DIAPH3: variants seen among roughly 807,000 people sequenced by gnomAD.
The protein encoded by DIAPH3 is protein diaphanous homolog 3.
DIAPH3 carries 117 observed loss-of-function variants against 144.3 expected under a neutral mutation model. The ratio of observed to expected loss-of-function variants is 0.81; its 90% CI spans 0.70 to 0.95. The LOEUF is 0.95. Among genes scored for constraint, DIAPH3 ranks in the 40% least tolerant of loss-of-function variants. The probability of loss-of-function intolerance (pLI) is 0.00; values close to 1 mark genes in which losing one functional copy is unlikely to be tolerated. For synonymous variants in DIAPH3, 519 were observed against 488.9 expected, an observed-to-expected ratio of 1.06 and a Z score of -0.81; for missense variants, 1,421 against 1,412.7, an observed-to-expected ratio of 1.01 and a Z score of -0.09.
intron 21 of DIAPH3, among the ~76,000 whole-genome samples, chr13:59,871,676 T>C (rs937455613): frequency 1.3e-5 from 2 of 152,224 alleles, no homozygotes; most frequent in African/African-American, 4.8e-5. Flanking sequence ...ATTTAGAGAA[T>C]TGAAATTATT....
chr13:60,065,406 G>A (rs2056921201), intron 4 of DIAPH3, among the ~76,000 whole-genome samples: 1 of 151,914 alleles, frequency 6.6e-6, no homozygotes, highest in African/African-American at 2.4e-5. Context: ...ATCTTATGTT[G>A]CACTTACTGA....
At chr13:59,943,548 A>C (rs895999112) in intron 17 of DIAPH3, among the ~76,000 whole-genome samples, 15 of 151,966 alleles carry the variant, frequency 9.9e-5, no homozygotes, top group South Asian at 2.1e-4. Flanking sequence ...TCACTCACTC[A>C]CTCCCTCCCA....
chr13:59,686,423 G>GA (rs911791312), intron 27 of DIAPH3, among the ~76,000 whole-genome samples: 59 of 150,450 alleles, frequency 3.9e-4, no homozygotes, highest in African/African-American at 1.4e-3. Context: ...CTCAAAAGAG[G>GA]AAAAAAAATT....
At chr13:59,862,494 G>T (rs1415566802) in intron 21 of DIAPH3, among the ~76,000 whole-genome samples, 1 of 152,130 alleles carries the variant, frequency 6.6e-6, no homozygotes, top group Non-Finnish European at 1.5e-5. Context: ...CTGAATGGAG[G>T]TTGTGCCTGG....
At chr13:60,119,537 G>A (rs1253917836) in intron 2 of DIAPH3, among the ~76,000 whole-genome samples, 1 of 151,716 alleles carries the variant, frequency 6.6e-6, no homozygotes, top group Non-Finnish European at 1.5e-5. Context: ...CACGAGGTCA[G>A]GAGATCGAGA....
intron 27 of DIAPH3, among the ~76,000 whole-genome samples, chr13:59,733,249 T>G (rs2035974469): frequency 6.6e-6 from 1 of 152,192 alleles, no homozygotes; most frequent in African/African-American, 2.4e-5. Context: ...ATAAGCACAT[T>G]AATGAATATG....
chr13:59,829,249 T>C (rs1484987556), intron 24 of DIAPH3, among the ~76,000 whole-genome samples: 1 of 152,018 alleles, frequency 6.6e-6, no homozygotes, highest in Non-Finnish European at 1.5e-5. Flanking sequence ...TTAGATCAAT[T>C]ATTTACAAAC....
intron 27 of DIAPH3, among the ~76,000 whole-genome samples, chr13:59,772,462 T>C (rs1367792323): frequency 6.6e-6 from 1 of 152,126 alleles, no homozygotes; most frequent in African/African-American, 2.4e-5. Context: ...CTGTATAATC[T>C]ACTAGCTTAA....
intron 20 of DIAPH3, among the ~76,000 whole-genome samples, chr13:59,901,298 G>A (rs768891022): frequency 7.2e-5 from 11 of 152,282 alleles, no homozygotes; most frequent in Non-Finnish European, 1.0e-4. Context: ...TCTTTACACC[G>A]TCTCCCACCT....
intron 4 of DIAPH3, among the ~76,000 whole-genome samples, chr13:60,060,330 C>A (rs2056717006): frequency 6.6e-6 from 1 of 152,070 alleles, no homozygotes; most frequent in South Asian, 2.1e-4. Context: ...GGAGTTTGGT[C>A]TCCGATTTCC....
chr13:59,859,705 A>G (rs930473449), intron 22 of DIAPH3, among the ~76,000 whole-genome samples: 6 of 152,136 alleles, frequency 3.9e-5, no homozygotes, highest in African/African-American at 1.4e-4. Flanking sequence ...AAAAAATCCA[A>G]AATATCAGAA....
intron 1 of DIAPH3, among the ~76,000 whole-genome samples, chr13:60,135,584 C>A (rs2059249744): frequency 6.6e-6 from 1 of 152,126 alleles, no homozygotes; most frequent in African/African-American, 2.4e-5. Flanking sequence ...CAAGAGAAGT[C>A]AATAGGGCAG....
intron 23 of DIAPH3, among the ~76,000 whole-genome samples, chr13:59,836,674 T>C (rs950010840): frequency 4.0e-5 from 6 of 151,886 alleles, no homozygotes; most frequent in African/African-American, 1.2e-4. Flanking sequence ...ATTCAATTAA[T>C]TGATTTAACA....
chr13:60,141,960 G>C (rs10220237), intron 1 of DIAPH3, among the ~76,000 whole-genome samples: 2 of 151,992 alleles, frequency 1.3e-5, no homozygotes, highest in African/African-American at 4.8e-5. Context: ...GATGGGCAGG[G>C]GAGTGTTTGC....
At chr13:59,758,099 C>G (rs1485794516) in intron 27 of DIAPH3, among the ~76,000 whole-genome samples, 1 of 152,184 alleles carries the variant, frequency 6.6e-6, no homozygotes, top group Non-Finnish European at 1.5e-5. Flanking sequence ...TACTAAAACT[C>G]TAATACCTGG....
chr13:60,025,968 T>C (rs1461549001), intron 5 of DIAPH3, among the ~76,000 whole-genome samples: 1 of 152,176 alleles, frequency 6.6e-6, no homozygotes, highest in Non-Finnish European at 1.5e-5. Flanking sequence ...AATCTTGAAG[T>C]GGAATGATGC....
At chr13:59,853,122 A>T (rs1187125453) in intron 22 of DIAPH3, among the ~76,000 whole-genome samples, 1 of 152,218 alleles carries the variant, frequency 6.6e-6, no homozygotes, top group Non-Finnish European at 1.5e-5. Flanking sequence ...GATTATACCT[A>T]TAACAAGCTG....
chr13:60,135,016 A>G lies in DIAPH3; in HGVS notation c.181-2027T>C, dbSNP rs2059233890. Among the ~76,000 whole-genome samples the G allele has an allele frequency of 2.0e-5, 3 of 152,226 alleles. No individual in the cohort carries two copies. The South Asian group carries it at 6.2e-4, about 32-fold the overall frequency. ...AGATTTATGATCTAAAAACTACATAAAAGATACAGAAAGTAAAAGGAAAAT... is the reference window on the plus strand; with the variant it reads ...AGATTTATGATCTAAAAACTACATAGAAGATACAGAAAGTAAAAGGAAAAT... On this transcript the variant is annotated intron_variant, in intron 1 of 27. Coordinates refer to ENST00000400324, the MANE Select transcript of DIAPH3 (RefSeq NM_001042517.2).
chr13:59,919,940 T>G (rs2047428517), intron 18 of DIAPH3, among the ~76,000 whole-genome samples: 1 of 151,968 alleles, frequency 6.6e-6, no homozygotes, highest in African/African-American at 2.4e-5. Context: ...TAATATGTAG[T>G]TTTATTTTTT....
Sources: allele counts gnomAD v4.1 joint callset (sites outside exome capture counted in the v4.1 genomes callset), GRCh38; gene constraint gnomAD v4.1.1; transcripts MANE v1.5; gene names NCBI Gene and HGNC (gene_info 2026-07-23, HGNC 2026-07-21).